HCN1: variants seen among roughly 807,000 people sequenced by gnomAD.
HCN1 encodes the protein hyperpolarization activated cyclic nucleotide gated potassium channel 1.
Under a neutral mutation model 78.9 loss-of-function variants are expected in HCN1, and 13 were observed. The ratio of observed to expected loss-of-function variants is 0.16; its 90% CI spans 0.11 to 0.26. The LOEUF (loss-of-function observed/expected upper bound fraction) is 0.26. Among genes scored for constraint, HCN1 ranks in the 10% least tolerant of loss-of-function variants. HCN1 has a pLI of 1.00. For synonymous variants in HCN1, 552 were observed against 455.5 expected (o/e 1.21, Z -2.70); for missense variants, 810 against 1,154.3 (o/e 0.70, Z 4.32).
intron 4 of HCN1, among the ~76,000 whole-genome samples, chr5:45,377,507 A>C (rs1474531771): frequency 6.6e-6 from 1 of 151,964 alleles, no homozygotes; most frequent in African/African-American, 2.4e-5. Context: ...ATCACTTGCA[A>C]CCTAATCTTT....
At chr5:45,687,582 T>A (rs1296483396) in intron 1 of HCN1, among the ~76,000 whole-genome samples, 2 of 152,208 alleles carry the variant, frequency 1.3e-5, no homozygotes, top group Non-Finnish European at 2.9e-5. Context: ...AAAATATTTA[T>A]GAAGATATCA....
intron 2 of HCN1, among the ~76,000 whole-genome samples, chr5:45,468,534 ATG>A (rs1741326858): frequency 2.6e-5 from 4 of 152,006 alleles, no homozygotes; most frequent in Non-Finnish European, 5.9e-5. Flanking sequence ...ATTTCTATAT[ATG>A]TTTCATTTTA....
Position 45,687,523 on chromosome 5 carries a change from T to C in HCN1, c.425+8146A>G, listed in dbSNP as rs530797065. ...CACATTTCATCCAAGAGCTGTTTTTTAAATTTCTTACTATTTTTTTCATAG... is the reference window on the plus strand; with the variant it reads ...CACATTTCATCCAAGAGCTGTTTTTCAAATTTCTTACTATTTTTTTCATAG... On this transcript the variant is annotated intron_variant, in intron 1 of 7. Coordinates refer to ENST00000303230, the MANE Select transcript of HCN1 (RefSeq NM_021072.4). Among the ~76,000 whole-genome samples, 3 of 152,324 alleles carry C rather than the reference T, an allele frequency of 2.0e-5. No homozygotes were observed. The East Asian group carries it at 5.8e-4, about 29-fold the overall frequency.
intron 2 of HCN1, among the ~76,000 whole-genome samples, chr5:45,528,889 T>C (rs1057495036): frequency 3.9e-5 from 6 of 151,964 alleles, no homozygotes; most frequent in African/African-American, 1.2e-4. Context: ...ATCACAGGCA[T>C]GATTAGGAAA....
At chr5:45,316,645 G>A (rs1746000201) in intron 5 of HCN1, among the ~76,000 whole-genome samples, 1 of 152,158 alleles carries the variant, frequency 6.6e-6, no homozygotes, top group Non-Finnish European at 1.5e-5. Flanking sequence ...TAGATGACAT[G>A]ACTGTATATT....
chr5:45,365,539 T>C (rs1747217344), intron 4 of HCN1, among the ~76,000 whole-genome samples: 1 of 152,044 alleles, frequency 6.6e-6, no homozygotes, highest in South Asian at 2.1e-4. Flanking sequence ...TTTTTATGGC[T>C]GTGTAGTATT....
chr5:45,342,478 T>G, intron 5 of HCN1, among the ~76,000 whole-genome samples: 1 of 151,924 alleles, frequency 6.6e-6, no homozygotes, highest in Non-Finnish European at 1.5e-5. Flanking sequence ...CCACAGGTGA[T>G]CCACCTGCCT....
chr5:45,476,244 C>A (rs1287949810), intron 2 of HCN1, among the ~76,000 whole-genome samples: 1 of 152,092 alleles, frequency 6.6e-6, no homozygotes, highest in Non-Finnish European at 1.5e-5. Context: ...TAAGAGAGCC[C>A]TCACCAGATA....
Position 45,303,946 on chromosome 5 carries a change from T to A in HCN1, c.1378-107A>T, listed in dbSNP as rs1579794256. The A allele has an allele frequency of 3.9e-6, 4 of 1,023,296 alleles. No individual in the cohort carries two copies. In the East Asian group the frequency reaches 1.0e-4, roughly 26 times the overall value. The allele number at this position is 1,023,296 out of a possible 1,614,324, so 63.4% of individuals were successfully genotyped here. A position where few individuals can be genotyped will look rare whatever the true frequency, so the allele number is the denominator to read the frequency against. On this transcript the variant is annotated intron_variant, in intron 5 of 7. Transcript: ENST00000303230. ...TACAGCATAACATTGTAATTTAAATTTAGATACAAAAATTCATAAATTCTA... is the reference window on the plus strand; with the variant it reads ...TACAGCATAACATTGTAATTTAAATATAGATACAAAAATTCATAAATTCTA...
At chr5:45,509,676 C>T (rs769383260) in intron 2 of HCN1, among the ~76,000 whole-genome samples, 12 of 152,034 alleles carry the variant, frequency 7.9e-5, no homozygotes, top group East Asian at 3.9e-4. Flanking sequence ...AGAGGAGAGA[C>T]GGGCTACGTT....
intron 2 of HCN1, among the ~76,000 whole-genome samples, chr5:45,597,347 G>T (rs1579991198): frequency 5.9e-5 from 9 of 152,122 alleles, no homozygotes. Flanking sequence ...ATGCAGAAAA[G>T]GCCTTTGACA....
intron 6 of HCN1, among the ~76,000 whole-genome samples, chr5:45,267,494 G>A (rs1744882888): frequency 6.6e-6 from 1 of 151,786 alleles, no homozygotes; most frequent in South Asian, 2.1e-4. Context: ...AGAAGGCCAG[G>A]CGCAGTGGCT....
intron 2 of HCN1, among the ~76,000 whole-genome samples, chr5:45,585,503 C>T (rs917451523): frequency 6.6e-6 from 1 of 152,000 alleles, no homozygotes; most frequent in Non-Finnish European, 1.5e-5. Context: ...GTAGTTTGAT[C>T]GTCTGAAGCC....
chr5:45,473,371 C>A (rs185845579), intron 2 of HCN1, among the ~76,000 whole-genome samples: 360 of 151,940 alleles, frequency 2.4e-3, no homozygotes, highest in African/African-American at 8.1e-3. Flanking sequence ...AAAAAACTTA[C>A]CCAGATTTTC....
chr5:45,565,781 C>A (rs1335158063), intron 2 of HCN1, among the ~76,000 whole-genome samples: 1 of 151,988 alleles, frequency 6.6e-6, no homozygotes, highest in African/African-American at 2.4e-5. Flanking sequence ...CCAGCAAGGG[C>A]AACAGAATGA....
intron 6 of HCN1, among the ~76,000 whole-genome samples, chr5:45,294,621 A>C (rs1745451654): frequency 6.6e-6 from 1 of 152,030 alleles, no homozygotes; most frequent in Non-Finnish European, 1.5e-5. Flanking sequence ...TTTAAAATCA[A>C]AGTATTGGTA....
At chr5:45,466,018 G>C (rs1741263710) in intron 2 of HCN1, among the ~76,000 whole-genome samples, 1 of 152,080 alleles carries the variant, frequency 6.6e-6, no homozygotes, top group African/African-American at 2.4e-5. Flanking sequence ...AAATGCTCTA[G>C]GATATTTTAA....
rs544382774 is a variant in HCN1 at position 45,691,307 on chromosome 5, G to A, written c.425+4362C>T. On this transcript the variant is annotated intron_variant, in intron 1 of 7. Transcript: ENST00000303230. ...CTCAATTTATAATCATACCCCGAAGGAGGTTTAAAGGGAAAGTTGCTCAGA... is the reference window on the plus strand; with the variant it reads ...CTCAATTTATAATCATACCCCGAAGAAGGTTTAAAGGGAAAGTTGCTCAGA... Among the ~76,000 whole-genome samples, 88 of 152,054 alleles carry A rather than the reference G, an allele frequency of 5.8e-4. 1 individual carries two copies. The highest frequency in any genetic ancestry group is 3.3e-3 in the South Asian group (16 of 4,818).
At chr5:45,373,527 C>T (rs1458740631) in intron 4 of HCN1, among the ~76,000 whole-genome samples, 1 of 139,890 alleles carries the variant, frequency 7.1e-6, no homozygotes, top group African/African-American at 2.6e-5. Flanking sequence ...ATATATATTA[C>T]ATACATTATA....
Sources: allele counts gnomAD v4.1 joint callset (sites outside exome capture counted in the v4.1 genomes callset), GRCh38; gene constraint gnomAD v4.1.1; transcripts MANE v1.5; gene names NCBI Gene and HGNC (gene_info 2026-07-23, HGNC 2026-07-21).